The following KIFC3 variants were observed in gnomAD, a reference collection of about 807,000 sequenced individuals.
KIFC3 encodes the protein kinesin family member C3, also known as kinesin-like protein KIFC3.
KIFC3 carries 60 observed loss-of-function variants against 101.8 expected under a neutral mutation model. That is an observed-to-expected ratio of 0.59 (90% CI 0.48 to 0.73). KIFC3 has a LOEUF of 0.73. KIFC3 is among the 30% of genes least tolerant of loss of function. The pLI, the probability that KIFC3 is intolerant of heterozygous loss-of-function variation, is 0.00. For missense variants in KIFC3, 966 were observed against 1,137.1 expected (o/e 0.85, Z 2.16); for synonymous variants, 476 against 482.7 (o/e 0.99, Z 0.18).
At chr16:57,766,017 G>T (rs1466545668) in intron 10 of KIFC3, among the ~76,000 whole-genome samples, 1 of 152,210 alleles carries the variant, frequency 6.6e-6, no homozygotes, top group African/African-American at 2.4e-5. Context: ...TGAGCAAAGA[G>T]CCTTGTCCTG....
intron 1 of KIFC3, chr16:57,816,742 A>T (rs2055234667): frequency 2.2e-6 from 1 of 456,658 alleles, no homozygotes. Context: ...GATCCGTGGA[A>T]GTCAGCCACT....
rs527421246 is a variant in KIFC3, at chr16:57,855,781, A to C, written c.108+6948T>G. 2.6e-5 allele frequency among the ~76,000 whole-genome samples: 4 copies of C among 152,048 alleles called. No individual in the cohort carries two copies. In the East Asian group the frequency reaches 7.8e-4, roughly 30 times the overall value. On this transcript the variant is annotated intron_variant, in intron 1 of 2. Coordinates refer to the KIFC3 transcript ENST00000563028. ...GCCAACATGGCAAAACCATGTCTCTACTAAAAATACAAAAATTAGCTCAGC... is the reference window on the plus strand; with the variant it reads ...GCCAACATGGCAAAACCATGTCTCTCCTAAAAATACAAAAATTAGCTCAGC...
chr16:57,775,085 C>T, intron 3 of KIFC3: 15 of 1,495,496 alleles, frequency 1.0e-5, no homozygotes, highest in Non-Finnish European at 1.3e-5. Context: ...ACCCACCAGC[C>T]ACCTGCCTGC....
At chr16:57,792,920 T>C (rs572479007) in intron 3 of KIFC3, among the ~76,000 whole-genome samples, 12 of 143,372 alleles carry the variant, frequency 8.4e-5, no homozygotes, top group Non-Finnish European at 1.1e-4. Flanking sequence ...TTGATGAGCA[T>C]GAAGAGATTA....
At chr16:57,845,317 C>T (rs1241476337) in intron 1 of KIFC3, among the ~76,000 whole-genome samples, 2 of 152,158 alleles carry the variant, frequency 1.3e-5, no homozygotes, top group African/African-American at 2.4e-5. Flanking sequence ...TGGACTCTTG[C>T]GATAGTCCTT....
intron 11 of KIFC3, among the ~76,000 whole-genome samples, chr16:57,764,668 G>C (rs2050253406): frequency 6.6e-6 from 1 of 152,260 alleles, no homozygotes; most frequent in South Asian, 2.1e-4. Flanking sequence ...TCTGGGCAGA[G>C]ATAAGGGAAG....
intron 1 of KIFC3, among the ~76,000 whole-genome samples, chr16:57,836,192 C>T (rs1448811608): frequency 6.6e-6 from 1 of 152,232 alleles, no homozygotes; most frequent in East Asian, 1.9e-4. Flanking sequence ...GGGCTCACTG[C>T]AGCCTTGACC....
At chr16:57,800,926 C>G (rs1235251078) in intron 1 of KIFC3, among the ~76,000 whole-genome samples, 4 of 152,156 alleles carry the variant, frequency 2.6e-5, no homozygotes, top group African/African-American at 9.7e-5. Context: ...CAGAACCTGG[C>G]TCCCCTGTTT....
At chr16:57,812,874 G>T (rs534299969) in intron 1 of KIFC3, among the ~76,000 whole-genome samples, 1 of 152,202 alleles carries the variant, frequency 6.6e-6, no homozygotes, top group Non-Finnish European at 1.5e-5. Flanking sequence ...CTTGGCAGTT[G>T]TGGGGCACAG....
chr16:57,759,435 C>A, intron 18 of KIFC3: 1 of 584,572 alleles, frequency 1.7e-6, no homozygotes, highest in Non-Finnish European at 3.0e-6. Context: ...GCTCAGCCAG[C>A]CCATGCTCAG....
chr16:57,795,774 G>C (rs77865504), intron 2 of KIFC3, among the ~76,000 whole-genome samples: 16,422 of 152,120 alleles, frequency 0.11, 982 homozygotes, highest in Middle Eastern at 0.19. Context: ...CACGAGTCAT[G>C]AGGCACACTG....
intron 1 of KIFC3, among the ~76,000 whole-genome samples, chr16:57,861,776 C>G (rs1222669766): frequency 6.6e-6 from 1 of 152,068 alleles, no homozygotes; most frequent in Non-Finnish European, 1.5e-5. Context: ...TAACAAAACC[C>G]TGTCTCTACT....
intron 17 of KIFC3, 105 bp downstream of exon 17, chr16:57,760,177 T>C (rs1433438479): frequency 3.7e-6 from 5 of 1,369,518 alleles, no homozygotes; most frequent in Non-Finnish European, 5.0e-6. Flanking sequence ...GCAGCTTCCC[T>C]GCCCCCACTG....
intron 1 of KIFC3, among the ~76,000 whole-genome samples, chr16:57,829,689 T>C (rs2055534410): frequency 6.6e-6 from 1 of 152,096 alleles, no homozygotes; most frequent in Non-Finnish European, 1.5e-5. Context: ...CCTCCCAGGG[T>C]CATGTCCATC....
chr16:57,845,624 C>A (rs1317551514), intron 1 of KIFC3, among the ~76,000 whole-genome samples: 1 of 152,170 alleles, frequency 6.6e-6, no homozygotes, highest in East Asian at 1.9e-4. Flanking sequence ...CACACCTGCT[C>A]AGGCAGGTGT....
chr16:57,816,107 T>C (rs1462071398), intron 1 of KIFC3: 1 of 922,664 alleles, frequency 1.1e-6, no homozygotes, highest in Non-Finnish European at 1.4e-6. Flanking sequence ...CAAATCCTCT[T>C]ACCAGTGGCT....
chr16:57,820,872 G>C (rs184172360), intron 1 of KIFC3, among the ~76,000 whole-genome samples: 232 of 152,214 alleles, frequency 1.5e-3, no homozygotes, highest in Admixed American at 2.2e-3. Context: ...TATTATCCCA[G>C]CACTATGGGA....
At position 57,764,255 on chromosome 16, in the gene KIFC3, G is replaced by A. The variant is rs782654273; in HGVS notation, c.1513-8C>T. ...CTGCACCTCCTGGAACACCTGGGAG[G>A]GTGGTGGGAGGGAGGCTGGTGGGGG... On this transcript the variant is annotated splice_region_variant and splice_polypyrimidine_tract_variant and intron_variant, in intron 11 of 19. Transcript: ENST00000445690. 1.6e-4 allele frequency: 252 copies of A among 1,564,630 alleles called. No individual in the cohort carries two copies. The highest frequency in any genetic ancestry group is 2.2e-4 in the Admixed American group (13 of 58,470).
At chr16:57,821,958 C>T (rs1227597906) in intron 1 of KIFC3, among the ~76,000 whole-genome samples, 1 of 151,988 alleles carries the variant, frequency 6.6e-6, no homozygotes, top group Non-Finnish European at 1.5e-5. Flanking sequence ...TGCCTGTGGT[C>T]CCAACTCTTC....
Sources: gnomAD v4.1 joint callset for allele counts (sites outside exome capture counted in the v4.1 genomes callset) on GRCh38, gnomAD v4.1.1 for gene constraint, MANE v1.5 for transcripts, NCBI Gene and HGNC (gene_info 2026-07-23, HGNC 2026-07-21) for gene names.